The following ZNF850 variants were observed in gnomAD, a reference collection of about 807,000 sequenced individuals.
ZNF850 encodes zinc finger protein 850.
In ZNF850, 2 loss-of-function variants were observed where a neutral mutation model predicts 11.9. The observed-to-expected ratio is 0.17, with a 90% CI of 0.07 to 0.53. The LOEUF (loss-of-function observed/expected upper bound fraction) is 0.53. Among genes scored for constraint, ZNF850 ranks in the 20% least tolerant of loss-of-function variants. The pLI, the probability that ZNF850 is intolerant of heterozygous loss-of-function variation, is 0.94. For missense variants in ZNF850, 1,014 were observed against 1,316.4 expected, an observed-to-expected ratio of 0.77 and a Z score of 3.55; for synonymous variants, 381 against 443.0, an observed-to-expected ratio of 0.86 and a Z score of 1.76.
chr19:36,754,712 C>G (rs778533973), intron 4 of ZNF850, among the ~76,000 whole-genome samples: 4 of 152,026 alleles, frequency 2.6e-5, no homozygotes, highest in African/African-American at 7.2e-5. Flanking sequence ...CCTGCCACCA[C>G]GCCCGGCTAA....
intron 1 of ZNF850, among the ~76,000 whole-genome samples, chr19:36,769,276 A>G (rs1192956308): frequency 4.6e-4 from 52 of 113,220 alleles, no homozygotes; most frequent in South Asian, 1.4e-3. Context: ...AAAAAAAAAA[A>G]AAAGAAAGAA....
In ZNF850 at chr19:36,748,806, A is replaced by G. The variant is rs140733551; in HGVS notation, c.2234T>C (p.Ile745Thr). 2.1e-3 allele frequency: 3,270 copies of G among 1,549,266 alleles called. 52 individuals are homozygous for G. The African/African-American group carries it at 0.04, about 19-fold the overall frequency. ...GKSFTSHSTL[I>T]QHQQIHTGEK... is the part of the protein sequence containing the mutation. ...ACCAGTGTGAATTTGCTGATGTTGA[A>G]TTAGTGTTGAGTGAGAAGTAAAAGA... Residue 745 changes from isoleucine (I) to threonine (T), a missense_variant, in exon 5 of 5, where the codon ATT (isoleucine) becomes ACT (threonine). Ile to Thr is a moderately conservative substitution (Grantham distance 89). Around this residue, in one of 2 missense-constraint regions of ZNF850, gnomAD observed 835 missense variants for 1,022.0 expected, o/e 0.82. Transcript: ENST00000591344.
At chr19:36,767,439 C>G (rs1015939961) in intron 1 of ZNF850, among the ~76,000 whole-genome samples, 1 of 152,040 alleles carries the variant, frequency 6.6e-6, no homozygotes, top group Non-Finnish European at 1.5e-5. Context: ...CACCTGTAAT[C>G]CCAGCTACTC....
chr19:36,757,177 C>T (rs1431626003), intron 4 of ZNF850, among the ~76,000 whole-genome samples: 1 of 152,032 alleles, frequency 6.6e-6, no homozygotes, highest in Non-Finnish European at 1.5e-5. Context: ...GAGGGGCAAA[C>T]TTTGGCAGGG....
intron 4 of ZNF850, among the ~76,000 whole-genome samples, chr19:36,757,503 CTTTT>C (rs57226971): frequency 3.1e-5 from 3 of 97,396 alleles, no homozygotes; most frequent in South Asian, 3.3e-4. Flanking sequence ...AATATAGTTT[CTTTT>C]TTTTTTTTTT....
Position 36,747,649 on chromosome 19 carries a change from A to AC in ZNF850, c.*117_*118insG. The AC allele has an allele frequency of 8.5e-7, 1 of 1,181,224 alleles. No individual in the cohort carries two copies. Among genetic ancestry groups the AC allele is most frequent in the Non-Finnish European group, 1.1e-6 (1 of 881,576 alleles). 73.2% of individuals were successfully genotyped at this position (1,181,224 alleles called of 1,614,324 possible). Reference sequence around the variant, plus strand: ...AGACTCCGTCTCAAAAAAAAAAAAAAAAGTCGTAATTCTGGAAAAAGTGAA... The same window carrying AC: ...AGACTCCGTCTCAAAAAAAAAAAAAACAAGTCGTAATTCTGGAAAAAGTGAA... On this transcript the variant is annotated 3_prime_UTR_variant, in exon 5 of 5. Coordinates refer to ENST00000591344, the MANE Select transcript of ZNF850 (RefSeq NM_001193552.2).
In ZNF850 at chr19:36,744,315, A is replaced by G. The variant is rs1600600281; in HGVS notation, c.*3452T>C. The G allele has an allele frequency of 6.6e-6, 1 of 152,168 alleles. No homozygotes were observed. Among genetic ancestry groups the G allele is most frequent in the African/African-American group, 2.4e-5 (1 of 41,438 alleles). 9.4% of individuals were successfully genotyped at this position (152,168 alleles called of 1,614,324 possible). A position where few individuals can be genotyped will look rare whatever the true frequency, so the allele number is the denominator to read the frequency against. ...TTTTTCATAAAAAGAGTTAATTTTT[A>G]AAAGTGAAAAGTAAAAACGTTAAGA... On this transcript the variant is annotated 3_prime_UTR_variant, in exon 5 of 5. Coordinates refer to ENST00000591344, the MANE Select transcript of ZNF850 (RefSeq NM_001193552.2).
chr19:36,763,833 G>C (rs1158035150), intron 1 of ZNF850, among the ~76,000 whole-genome samples: 1 of 152,118 alleles, frequency 6.6e-6, no homozygotes, highest in Non-Finnish European at 1.5e-5. Context: ...AGCTACTTGG[G>C]AGGCTGAGGT....
In ZNF850 at chr19:36,748,446, C is replaced by G; in HGVS notation, c.2594G>C (p.Gly865Ala). 1.3e-6 allele frequency: 2 copies of G among 1,556,744 alleles called. No homozygotes were observed. Among genetic ancestry groups the G allele is most frequent in the Admixed American group, 1.9e-5 (1 of 52,428 alleles). Residue 865 changes from glycine to alanine, a missense_variant, in exon 5 of 5, where the codon GGT (glycine) becomes GCT (alanine). This residue lies in a region of ZNF850 where 179 missense variants were observed against 294.4 expected (regional missense o/e 0.61). Transcript: ENST00000591344. ...TTCCTTACAATGATAGGGTTTCTCA[C>G]CAGTGTGAATTCGCTGATGTTCAAT... The part of the protein sequence containing the change: ...TLIEHQRIHT[G>A]EKPYHCKECG...
At chr19:36,769,796 A>C (rs2040570783) in intron 1 of ZNF850, among the ~76,000 whole-genome samples, 1 of 152,146 alleles carries the variant, frequency 6.6e-6, no homozygotes, top group South Asian at 2.1e-4. Context: ...TCAGCAAGCA[A>C]GGAATCAGTT....
chr19:36,748,180 C>G lies in ZNF850; in HGVS notation c.2860G>C (p.Glu954Gln), dbSNP rs1359748231. 1.3e-6 allele frequency: 2 copies of G among 1,553,334 alleles called. No individual in the cohort carries two copies. The highest frequency in any genetic ancestry group is 2.4e-5 in the South Asian group (2 of 84,724). ...HSIHTGEKPY[E>Q]CKTCGKSFRQ... ...AAGGACTTCCCACATGTCTTACATT[C>G]ATAGGGTTTCTCGCCAGTGTGAATA... Residue 954 changes from glutamate to glutamine, a missense_variant, in exon 5 of 5, where the codon GAA becomes CAA. Glu to Gln is a conservative substitution (Grantham distance 29, BLOSUM62 2). Around this residue, in one of 2 missense-constraint regions of ZNF850, gnomAD observed 179 missense variants for 294.4 expected, o/e 0.61. Coordinates refer to ENST00000591344, the MANE Select transcript of ZNF850 (RefSeq NM_001193552.2).
chr19:36,759,181 GA>G (rs2040504230), intron 4 of ZNF850, among the ~76,000 whole-genome samples: 2 of 152,062 alleles, frequency 1.3e-5, no homozygotes, highest in Admixed American at 1.3e-4. Context: ...ATTTTAAATA[GA>G]AGAAACACCT....
At chr19:36,751,274 A>C (rs2040452376) in intron 4 of ZNF850, among the ~76,000 whole-genome samples, 1 of 145,028 alleles carries the variant, frequency 6.9e-6, no homozygotes, top group African/African-American at 2.5e-5. Context: ...ACTCTCCAAA[A>C]CTATTGAGAT....
intron 1 of ZNF850, 34 bp downstream of exon 1, chr19:36,772,691 C>T (rs2040593672): frequency 6.5e-6 from 1 of 153,198 alleles, no homozygotes; most frequent in Non-Finnish European, 1.5e-5. Context: ...CCTCAGCCCT[C>T]CACACACAAA....
intron 1 of ZNF850, among the ~76,000 whole-genome samples, chr19:36,768,692 G>C (rs1258863001): frequency 2.0e-5 from 3 of 152,134 alleles, no homozygotes; most frequent in Non-Finnish European, 2.9e-5. Context: ...GCCAGGTGTG[G>C]TGGCTCTTCC....
intron 4 of ZNF850, among the ~76,000 whole-genome samples, chr19:36,751,065 TAAA>T (rs34721047): frequency 3.4e-5 from 3 of 89,420 alleles, no homozygotes; most frequent in Admixed American, 1.4e-4. Context: ...GACCCTGTCT[TAAA>T]AAAAAAAAAA....
At position 36,748,325 on chromosome 19, in the gene ZNF850, G is replaced by C. The variant is rs1304367096; in HGVS notation, c.2715C>G (p.Ala905=). The C allele has an allele frequency of 2.5e-6, 4 of 1,592,300 alleles. No individual in the cohort carries two copies. The highest frequency in any genetic ancestry group is 3.4e-6 in the Non-Finnish European group (4 of 1,172,364). ...GAGTAAGTTTTGAACGACGTCTAAA[G>C]GCCTTGCCACATTCCTTACAATCAT... ...KPYDCKECGK[A]FRRRSKLTQH... is the part of the protein sequence containing the mutation. The change falls in exon 5 of 5, where the codon GCC becomes GCG. Residue 905 remains alanine (A), a synonymous_variant. Coordinates refer to ENST00000591344, the MANE Select transcript of ZNF850 (RefSeq NM_001193552.2).
rs751208747 is a variant in ZNF850, at chr19:36,762,292, T to C, written c.139+13A>G. 3.3e-6 allele frequency: 5 copies of C among 1,515,360 alleles called. No individual in the cohort carries two copies. The highest frequency in any genetic ancestry group is 2.0e-4 in the Middle Eastern group (1 of 5,122). The allele number at this position is 1,515,360 out of a possible 1,614,324, so 93.9% of individuals were successfully genotyped here. On this transcript the variant is annotated intron_variant, in intron 3 of 4. Coordinates refer to ENST00000591344, the MANE Select transcript of ZNF850 (RefSeq NM_001193552.2). ...CCAAAATTCATGAGTTATTTGCGGATAGACATCCTTACCTAGTGAGACCAG... is the reference window on the plus strand; with the variant it reads ...CCAAAATTCATGAGTTATTTGCGGACAGACATCCTTACCTAGTGAGACCAG...
rs143057954 is a variant in ZNF850 at position 36,744,436 on chromosome 19, G to C, written c.*3331C>G. 6.6e-6 allele frequency: 1 copy of C among 152,196 alleles called. No homozygotes were observed. Among genetic ancestry groups the C allele is most frequent in the East Asian group, 1.9e-4 (1 of 5,154 alleles). The allele number at this position is 152,196 out of a possible 1,614,324, so 9.4% of individuals were successfully genotyped here. On this transcript the variant is annotated 3_prime_UTR_variant, in exon 5 of 5. Transcript: ENST00000591344. ...GAGCCCAAGAGTTCAAGACCAGCCT[G>C]GACAACATGGTGAAACCCTGTCTCT...
Sources: gnomAD v4.1 joint callset for allele counts (sites outside exome capture counted in the v4.1 genomes callset) on GRCh38, gnomAD v4.1.1 for gene constraint, gnomAD v4.1.1 regional missense constraint, MANE v1.5 for transcripts, NCBI Gene and HGNC (gene_info 2026-07-23, HGNC 2026-07-21) for gene names.